The following KIAA1958 variants were observed in gnomAD, a reference collection of about 807,000 sequenced individuals.
The protein encoded by KIAA1958 is KIAA1958.
In KIAA1958, 14 loss-of-function variants were observed where a neutral mutation model predicts 47.2. The observed-to-expected ratio is 0.30, with a 90% CI of 0.20 to 0.46. The LOEUF (loss-of-function observed/expected upper bound fraction) is 0.46. Among genes scored for constraint, KIAA1958 ranks in the 20% least tolerant of loss-of-function variants. The pLI, the probability that KIAA1958 is intolerant of heterozygous loss-of-function variation, is 1.00. For missense variants in KIAA1958, 803 were observed against 909.2 expected, an observed-to-expected ratio of 0.88 and a Z score of 1.50; for synonymous variants, 354 against 353.3, an observed-to-expected ratio of 1.00 and a Z score of -0.02.
intron 2 of KIAA1958, among the ~76,000 whole-genome samples, chr9:112,627,910 C>G (rs182448916): frequency 1.3e-5 from 2 of 152,110 alleles, no homozygotes; most frequent in African/African-American, 4.8e-5. Context: ...TTTTTCATGC[C>G]CACCTGTCTA....
intron 1 of KIAA1958, among the ~76,000 whole-genome samples, chr9:112,564,524 T>C (rs1835394754): frequency 6.6e-6 from 1 of 152,210 alleles, no homozygotes; most frequent in Non-Finnish European, 1.5e-5. Context: ...ATTAATTTTG[T>C]CATCTTTTGA....
chr9:112,539,105 AAT>A (rs1479149754), intron 1 of KIAA1958, among the ~76,000 whole-genome samples: 1 of 152,226 alleles, frequency 6.6e-6, no homozygotes, highest in Non-Finnish European at 1.5e-5. Context: ...AGAAGTTTAA[AAT>A]TATGCAACTG....
intron 3 of KIAA1958, among the ~76,000 whole-genome samples, chr9:112,646,892 T>G (rs1836984700): frequency 6.6e-6 from 1 of 152,260 alleles, no homozygotes; most frequent in Non-Finnish European, 1.5e-5. Context: ...AAATCAGATT[T>G]GCAGATGGAA....
chr9:112,596,539 T>C (rs1836035905), intron 2 of KIAA1958, among the ~76,000 whole-genome samples: 1 of 152,196 alleles, frequency 6.6e-6, no homozygotes, highest in African/African-American at 2.4e-5. Context: ...CTAATCCATA[T>C]AGGAAAATAC....
chr9:112,537,138 C>G (rs991725777), intron 1 of KIAA1958, among the ~76,000 whole-genome samples: 10 of 151,604 alleles, frequency 6.6e-5, no homozygotes, highest in African/African-American at 2.4e-4. Flanking sequence ...CAGAGTCTCC[C>G]TTTGTCGCCC....
Position 112,574,101 on chromosome 9 carries a change from C to T in KIAA1958, c.21C>T (p.Thr7=). 1 of 1,598,134 alleles carries T rather than the reference C, an allele frequency of 6.3e-7. No homozygotes were observed. The highest frequency in any genetic ancestry group is 8.5e-7 in the Non-Finnish European group (1 of 1,170,150). Residue 7 remains threonine, a synonymous_variant, in exon 2 of 4, where the codon ACC becomes ACT. Coordinates refer to ENST00000337530, the MANE Select transcript of KIAA1958 (RefSeq NM_133465.4). ...GTAACATGGAGGATTGTCTTCATACCTCATCTGAGAATCTGTCCAAATTGG... is the reference window on the plus strand; with the variant it reads ...GTAACATGGAGGATTGTCTTCATACTTCATCTGAGAATCTGTCCAAATTGG... MEDCLH[T]SSENLSKLVS...
chr9:112,533,568 G>A (rs1456406246), intron 1 of KIAA1958, among the ~76,000 whole-genome samples: 7 of 114,030 alleles, frequency 6.1e-5, no homozygotes, highest in African/African-American at 1.8e-4. Flanking sequence ...GCGACACAGC[G>A]AGACTCCATC....
intron 2 of KIAA1958, among the ~76,000 whole-genome samples, chr9:112,602,950 G>A (rs997268733): frequency 3.3e-5 from 5 of 152,162 alleles, no homozygotes; most frequent in Non-Finnish European, 7.3e-5. Context: ...AGTTATCTCC[G>A]TAACCTCCCT....
At chr9:112,654,230 G>A (rs1837110735) in intron 3 of KIAA1958, among the ~76,000 whole-genome samples, 3 of 152,112 alleles carry the variant, frequency 2.0e-5, no homozygotes, top group Admixed American at 6.5e-5. Context: ...TTTGTTGAAA[G>A]CACTAACATA....
intron 1 of KIAA1958, among the ~76,000 whole-genome samples, chr9:112,502,700 C>G (rs562853836): frequency 6.6e-6 from 1 of 152,298 alleles, no homozygotes; most frequent in Non-Finnish European, 1.5e-5. Context: ...TGGTGCAACC[C>G]CACACCGTTT....
rs575262774 is a variant in KIAA1958 at position 112,488,660 on chromosome 9, C to G, written c.-25+1542C>G. Among the ~76,000 whole-genome samples the G allele has an allele frequency of 2.6e-3, 400 of 151,546 alleles. 4 individuals are homozygous for G. Among genetic ancestry groups the G allele is most frequent in the Middle Eastern group, 0.014 (4 of 294 alleles). On this transcript the variant is annotated intron_variant, in intron 1 of 3. Coordinates refer to ENST00000337530, the MANE Select transcript of KIAA1958 (RefSeq NM_133465.4). ...TCATATGTAAAAAATAGAGGTTTTC[C>G]TAAAAAAACAAAAAGCATTATCATC...
intron 1 of KIAA1958, among the ~76,000 whole-genome samples, chr9:112,488,768 T>C (rs1833913134): frequency 6.6e-6 from 1 of 152,244 alleles, no homozygotes; most frequent in African/African-American, 2.4e-5. Context: ...TACAATTTAA[T>C]GCACTTTTTT....
chr9:112,512,675 G>T (rs572078024), intron 1 of KIAA1958, among the ~76,000 whole-genome samples: 323 of 151,606 alleles, frequency 2.1e-3, no homozygotes, highest in African/African-American at 7.5e-3. Context: ...CATAATAATG[G>T]CCGGGCAAGA....
intron 2 of KIAA1958, among the ~76,000 whole-genome samples, chr9:112,591,647 CT>C (rs1835923982): frequency 6.6e-6 from 1 of 151,764 alleles, no homozygotes; most frequent in Admixed American, 6.6e-5. Context: ...AATCCCAGCA[CT>C]TTGGGATTCT....
chr9:112,574,683 G>T lies in KIAA1958; in HGVS notation c.603G>T (p.Lys201Asn). ...VDECSNDVII[K>N]KIKQEIPEDY... is the part of the protein sequence containing the mutation. ...AATGCAGCAATGATGTCATCATCAA[G>T]AAAATCAAACAAGAAATCCCCGAAG... Residue 201 changes from lysine to asparagine, a missense_variant, in exon 2 of 4, where the codon AAG becomes AAT. This residue lies in a region of KIAA1958 where 761 missense variants were observed against 829.3 expected (regional missense o/e 0.92). Transcript: ENST00000337530. 1.2e-6 allele frequency: 2 copies of T among 1,614,114 alleles called. No homozygotes were observed. The highest frequency in any genetic ancestry group is 1.7e-6 in the Non-Finnish European group (2 of 1,180,034).
intron 1 of KIAA1958, among the ~76,000 whole-genome samples, chr9:112,519,135 G>T (rs1834493668): frequency 1.3e-5 from 2 of 151,874 alleles, no homozygotes; most frequent in South Asian, 4.2e-4. Flanking sequence ...AAGAGACAAG[G>T]TCTCACTATG....
chr9:112,510,694 A>G (rs1834312518), intron 1 of KIAA1958, among the ~76,000 whole-genome samples: 3 of 152,158 alleles, frequency 2.0e-5, no homozygotes, highest in Non-Finnish European at 1.5e-5. Flanking sequence ...TAGAAAATGG[A>G]CACATAAACA....
intron 2 of KIAA1958, chr9:112,581,827 A>T: frequency 4.3e-6 from 1 of 231,676 alleles, no homozygotes. Context: ...ACCCAAGAAC[A>T]CCACCAAGGT....
At chr9:112,547,627 C>G (rs1311561176) in intron 1 of KIAA1958, among the ~76,000 whole-genome samples, 1 of 151,952 alleles carries the variant, frequency 6.6e-6, no homozygotes, top group Non-Finnish European at 1.5e-5. Flanking sequence ...GATACCAACA[C>G]GACAGAAGGC....
Sources: allele counts gnomAD v4.1 joint callset (sites outside exome capture counted in the v4.1 genomes callset), GRCh38; gene constraint gnomAD v4.1.1; regional missense constraint gnomAD v4.1.1; transcripts MANE v1.5; gene names NCBI Gene and HGNC (gene_info 2026-07-23, HGNC 2026-07-21).